Variants in PLCB4 observed in about 807,000 individuals in gnomAD.
PLCB4 encodes 1-phosphatidylinositol 4,5-bisphosphate phosphodiesterase beta-4.
Under a neutral mutation model 178.8 loss-of-function variants are expected in PLCB4, and 77 were observed. The ratio of observed to expected loss-of-function variants is 0.43; its 90% confidence interval spans 0.36 to 0.52. The LOEUF is 0.52. PLCB4 is among the 20% of genes least tolerant of loss of function. The pLI is 0.00. For synonymous variants in PLCB4, 496 were observed against 490.8 expected (o/e 1.01, Z -0.14); for missense variants, 1,024 against 1,453.4 (o/e 0.70, Z 4.80).
intron 19 of PLCB4, among the ~76,000 whole-genome samples, chr20:9,399,633 T>G (rs2038878348): frequency 6.6e-6 from 1 of 152,162 alleles, no homozygotes; most frequent in Non-Finnish European, 1.5e-5. Context: ...AATATCAAAA[T>G]TGTATGTGGT....
At chr20:9,444,624 T>C (rs2042301761) in intron 32 of PLCB4, among the ~76,000 whole-genome samples, 1 of 152,070 alleles carries the variant, frequency 6.6e-6, no homozygotes, top group African/African-American at 2.4e-5. Flanking sequence ...TAGCTGGGTG[T>C]GGTGACATAC....
chr20:9,262,907 G>A (rs2094312178), intron 3 of PLCB4, among the ~76,000 whole-genome samples: 1 of 152,142 alleles, frequency 6.6e-6, no homozygotes, highest in South Asian at 2.1e-4. Flanking sequence ...GAGTAAGCAG[G>A]GGAGGATCTA....
intron 2 of PLCB4, among the ~76,000 whole-genome samples, chr20:9,163,055 CT>C (rs1444632740): frequency 2.0e-5 from 3 of 152,078 alleles, no homozygotes; most frequent in Non-Finnish European, 4.4e-5. Flanking sequence ...ACACAGTTGT[CT>C]TTTGCAGGCC....
intron 3 of PLCB4, among the ~76,000 whole-genome samples, chr20:9,268,966 GC>G (rs1449978352): frequency 6.6e-6 from 1 of 152,154 alleles, no homozygotes; most frequent in African/African-American, 2.4e-5. Flanking sequence ...AAAAGGCACT[GC>G]TTGTTTTAGC....
intron 3 of PLCB4, among the ~76,000 whole-genome samples, chr20:9,253,624 T>C (rs948551275): frequency 1.3e-4 from 20 of 152,240 alleles, no homozygotes; most frequent in African/African-American, 4.6e-4. Context: ...ATTTTGCTTA[T>C]TATGTTTTGC....
At chr20:9,246,199 T>G (rs1410830820) in intron 3 of PLCB4, among the ~76,000 whole-genome samples, 1 of 152,168 alleles carries the variant, frequency 6.6e-6, no homozygotes, top group Non-Finnish European at 1.5e-5. Context: ...GCTGAACATT[T>G]TATTGTTATT....
At chr20:9,357,629 A>G (rs562123197) in intron 7 of PLCB4, among the ~76,000 whole-genome samples, 1 of 152,208 alleles carries the variant, frequency 6.6e-6, no homozygotes, top group African/African-American at 2.4e-5. Flanking sequence ...AGCCCTCAGG[A>G]AGAGGATTAG....
chr20:9,443,719 A>T (rs1337255907), intron 30 of PLCB4, among the ~76,000 whole-genome samples: 1 of 152,024 alleles, frequency 6.6e-6, no homozygotes, highest in East Asian at 1.9e-4. Flanking sequence ...GTTTCTCCTG[A>T]GAGTCTGCCC....
chr20:9,121,181 C>A (rs1354968470), intron 2 of PLCB4, among the ~76,000 whole-genome samples: 1 of 152,206 alleles, frequency 6.6e-6, no homozygotes, highest in Non-Finnish European at 1.5e-5. Flanking sequence ...TTGTGGCCAC[C>A]ACAGTACCCA....
At chr20:9,381,097 C>T (rs1234707313) in intron 13 of PLCB4, among the ~76,000 whole-genome samples, 8 of 152,182 alleles carry the variant, frequency 5.3e-5, no homozygotes, top group Admixed American at 5.2e-4. Flanking sequence ...GTACAGTTTA[C>T]ACTTTCTGCT....
chr20:9,335,265 G>T (rs1195956708), intron 4 of PLCB4, among the ~76,000 whole-genome samples: 2 of 152,048 alleles, frequency 1.3e-5, no homozygotes. Context: ...TTGGGTAATA[G>T]CTAATGCTTT....
chr20:9,150,703 C>T (rs1440790592), intron 2 of PLCB4, among the ~76,000 whole-genome samples: 2 of 152,128 alleles, frequency 1.3e-5, no homozygotes, highest in Non-Finnish European at 2.9e-5. Flanking sequence ...GTCACCCAGC[C>T]AAGAAGTGGC....
intron 2 of PLCB4, among the ~76,000 whole-genome samples, chr20:9,114,593 A>G (rs895376554): frequency 5.3e-5 from 8 of 152,148 alleles, no homozygotes; most frequent in African/African-American, 1.9e-4. Context: ...CTACTCAGCA[A>G]GGTAATGAGT....
intron 28 of PLCB4, among the ~76,000 whole-genome samples, 158 bp downstream of exon 28, chr20:9,424,110 A>T (rs542415339): frequency 6.6e-6 from 1 of 152,354 alleles, no homozygotes; most frequent in African/African-American, 2.4e-5. Context: ...AGAATACATC[A>T]TAACCTCAGG....
chr20:9,150,963 C>T lies in PLCB4; in HGVS notation c.-79+54621C>T, dbSNP rs1486368172. 2.6e-5 allele frequency among the ~76,000 whole-genome samples: 4 copies of T among 152,252 alleles called. No individual in the cohort carries two copies. The South Asian group carries it at 6.2e-4, about 24-fold the overall frequency. ...TGGGAGCCTTATGGCTCAGCCACAACACAAATGATTTGTTTTTCTGGCCTT... is the reference window on the plus strand; with the variant it reads ...TGGGAGCCTTATGGCTCAGCCACAATACAAATGATTTGTTTTTCTGGCCTT... On this transcript the variant is annotated intron_variant, in intron 2 of 39. Coordinates refer to ENST00000378473, the MANE Select transcript of PLCB4 (RefSeq NM_001377142.1).
chr20:9,283,122 G>A (rs1338831562), intron 3 of PLCB4, among the ~76,000 whole-genome samples: 1 of 151,956 alleles, frequency 6.6e-6, no homozygotes, highest in Non-Finnish European at 1.5e-5. Context: ...GGTCTACCAT[G>A]CCTGGAGAAG....
At chr20:9,468,544 G>A in intron 35 of PLCB4, 27 bp from the exon 36 acceptor site, 1 of 1,400,372 alleles carries the variant, frequency 7.1e-7, no homozygotes, top group Non-Finnish European at 1.0e-6. Context: ...CCCCCTCCCT[G>A]TTTGTTTTCT....
At chr20:9,164,372 GT>G (rs1431323674) in intron 2 of PLCB4, among the ~76,000 whole-genome samples, 1 of 151,820 alleles carries the variant, frequency 6.6e-6, no homozygotes, top group African/African-American at 2.4e-5. Flanking sequence ...TTTTATTGCT[GT>G]TTTACAGATG....
At chr20:9,107,221 C>A (rs2091399397) in intron 2 of PLCB4, among the ~76,000 whole-genome samples, 1 of 152,266 alleles carries the variant, frequency 6.6e-6, no homozygotes, top group African/African-American at 2.4e-5. Flanking sequence ...GGATTATACT[C>A]TTATGTCTGT....
Sources: gnomAD v4.1 joint callset for allele counts (sites outside exome capture counted in the v4.1 genomes callset) on GRCh38, gnomAD v4.1.1 for gene constraint, MANE v1.5 for transcripts, NCBI Gene and HGNC (gene_info 2026-07-23, HGNC 2026-07-21) for gene names.